The following ADGRL3 variants were observed in gnomAD, a reference collection of about 807,000 sequenced individuals.
ADGRL3 encodes calcium-independent alpha-latrotoxin receptor 3.
ADGRL3 carries 62 observed loss-of-function variants against 153.5 expected under a neutral mutation model. That is an observed-to-expected ratio of 0.40 (90% CI 0.33 to 0.50). ADGRL3 has a LOEUF of 0.50. ADGRL3 is among the 20% of genes least tolerant of loss of function. ADGRL3 has a pLI of 0.47. For missense variants in ADGRL3, 1,641 were observed against 1,859.4 expected (o/e 0.88, Z 2.16); for synonymous variants, 710 against 672.5 (o/e 1.06, Z -0.86).
intron 1 of ADGRL3, among the ~76,000 whole-genome samples, chr4:61,219,197 A>G (rs1173606645): frequency 6.6e-6 from 1 of 152,200 alleles, no homozygotes; most frequent in Non-Finnish European, 1.5e-5. Context: ...TTATAAGGAT[A>G]TGGAGGACCT....
intron 5 of ADGRL3, among the ~76,000 whole-genome samples, chr4:61,642,390 A>G (rs2093723517): frequency 6.6e-6 from 1 of 152,146 alleles, no homozygotes; most frequent in Admixed American, 6.6e-5. Context: ...GGTAATGCCT[A>G]GGTTTTCTTC....
At chr4:62,069,276 C>A (rs1577763895) in intron 26 of ADGRL3, among the ~76,000 whole-genome samples, 1 of 152,030 alleles carries the variant, frequency 6.6e-6, no homozygotes, top group Admixed American at 6.6e-5. Flanking sequence ...AACATTAATA[C>A]TGACACAATG....
chr4:61,280,504 T>G (rs1220247660), intron 1 of ADGRL3, among the ~76,000 whole-genome samples: 1 of 152,134 alleles, frequency 6.6e-6, no homozygotes, highest in Non-Finnish European at 1.5e-5. Flanking sequence ...AGATTACCTT[T>G]AAGTACACCA....
intron 23 of ADGRL3, among the ~76,000 whole-genome samples, chr4:62,037,358 TA>T (rs1481433997): frequency 6.6e-6 from 1 of 152,138 alleles, no homozygotes; most frequent in Non-Finnish European, 1.5e-5. Context: ...GAACAACAGC[TA>T]CAATGCCCTT....
At chr4:61,960,089 T>G (rs2098982270) in intron 17 of ADGRL3, among the ~76,000 whole-genome samples, 1 of 152,206 alleles carries the variant, frequency 6.6e-6, no homozygotes, top group Non-Finnish European at 1.5e-5. Context: ...TACATTATCT[T>G]GAATATTAAC....
chr4:61,660,577 T>G (rs888023391), intron 5 of ADGRL3, among the ~76,000 whole-genome samples: 1 of 152,158 alleles, frequency 6.6e-6, no homozygotes, highest in African/African-American at 2.4e-5. Flanking sequence ...AGGCCAATTC[T>G]CCCTAACTAA....
chr4:61,956,515 C>A (rs1163484820), intron 17 of ADGRL3, among the ~76,000 whole-genome samples: 1 of 151,990 alleles, frequency 6.6e-6, no homozygotes, highest in Non-Finnish European at 1.5e-5. Context: ...TTGTTTCTTT[C>A]ACTGTGCAGA....
chr4:61,960,600 C>T (rs2098984053), intron 17 of ADGRL3, among the ~76,000 whole-genome samples: 1 of 152,130 alleles, frequency 6.6e-6, no homozygotes, highest in African/African-American at 2.4e-5. Context: ...TTACATTTAC[C>T]AGTTTTATAT....
chr4:61,966,350 T>C (rs1344230185), intron 17 of ADGRL3, among the ~76,000 whole-genome samples: 1 of 152,172 alleles, frequency 6.6e-6, no homozygotes, highest in Non-Finnish European at 1.5e-5. Flanking sequence ...CTCCTTTAAT[T>C]CTAATTCTGT....
intron 2 of ADGRL3, among the ~76,000 whole-genome samples, chr4:61,449,326 G>A (rs534805588): frequency 1.5e-4 from 23 of 151,656 alleles, no homozygotes; most frequent in African/African-American, 5.3e-4. Flanking sequence ...TAGGAGAGAC[G>A]GGGTTTCACC....
chr4:61,990,940 C>T (rs1036809582), intron 19 of ADGRL3, among the ~76,000 whole-genome samples: 3 of 137,156 alleles, frequency 2.2e-5, no homozygotes, highest in Non-Finnish European at 3.1e-5. Flanking sequence ...AAGACTCTTC[C>T]GATGTTTGAA....
intron 6 of ADGRL3, among the ~76,000 whole-genome samples, chr4:61,707,573 T>C (rs144572368): frequency 0.01 from 1,580 of 152,306 alleles, 28 homozygotes; most frequent in African/African-American, 0.035. Flanking sequence ...TGACCTTGAT[T>C]TTTTTAAGGT....
intron 10 of ADGRL3, among the ~76,000 whole-genome samples, chr4:61,894,488 T>C (rs1168779858): frequency 6.6e-6 from 1 of 152,196 alleles, no homozygotes; most frequent in Non-Finnish European, 1.5e-5. Flanking sequence ...TTTTCTTAGC[T>C]CTGTTTTCTT....
At chr4:61,335,250 A>G (rs2095651902) in intron 1 of ADGRL3, among the ~76,000 whole-genome samples, 2 of 152,164 alleles carry the variant, frequency 1.3e-5, no homozygotes, top group African/African-American at 4.8e-5. Context: ...TATTACTTAC[A>G]TGGGGGATAC....
At chr4:61,932,010 C>T (rs972696087) in intron 13 of ADGRL3, among the ~76,000 whole-genome samples, 1 of 151,900 alleles carries the variant, frequency 6.6e-6, no homozygotes, top group Non-Finnish European at 1.5e-5. Context: ...TATATATTTA[C>T]ACACGTACAC....
At chr4:61,760,312 C>T (rs984715393) in intron 8 of ADGRL3, among the ~76,000 whole-genome samples, 1 of 152,162 alleles carries the variant, frequency 6.6e-6, no homozygotes, top group African/African-American at 2.4e-5. Flanking sequence ...CCACCAAGTT[C>T]GAGCTTCCCA....
intron 5 of ADGRL3, among the ~76,000 whole-genome samples, chr4:61,629,296 C>A (rs928426011): frequency 6.6e-6 from 1 of 151,796 alleles, no homozygotes; most frequent in African/African-American, 2.4e-5. Flanking sequence ...GTAATTACAC[C>A]CCTATTATTA....
intron 1 of ADGRL3, among the ~76,000 whole-genome samples, chr4:61,329,097 T>A (rs559147396): frequency 1.0e-3 from 159 of 152,260 alleles, no homozygotes; most frequent in African/African-American, 3.5e-3. Context: ...GAAGGACTGG[T>A]GTTTACTGAT....
intron 1 of ADGRL3, among the ~76,000 whole-genome samples, chr4:61,343,241 T>A (rs1466461318): frequency 6.6e-6 from 1 of 152,148 alleles, no homozygotes; most frequent in Admixed American, 6.6e-5. Context: ...ATATTTTAAT[T>A]TTCAAAACCA....
Sources: allele counts gnomAD v4.1 joint callset (sites outside exome capture counted in the v4.1 genomes callset), GRCh38; gene constraint gnomAD v4.1.1; transcripts MANE v1.5; gene names NCBI Gene and HGNC (gene_info 2026-07-23, HGNC 2026-07-21).